The following OR10R2 variants were observed in gnomAD, a reference collection of about 807,000 sequenced individuals.
OR10R2 encodes olfactory receptor family 10 subfamily R member 2.
Under a neutral mutation model 2.4 loss-of-function variants are expected in OR10R2, and 1 was observed. The observed-to-expected ratio is 0.41, with a 90% CI of 0.15 to 1.95. The LOEUF (loss-of-function observed/expected upper bound fraction) is 1.95. Among genes scored for constraint, OR10R2 ranks in the 30% most tolerant of loss-of-function variants. The pLI, the probability that OR10R2 is intolerant of heterozygous loss-of-function variation, is 0.30. For missense variants in OR10R2, 419 were observed against 373.0 expected, an observed-to-expected ratio of 1.12 and a Z score of -1.01; for synonymous variants, 166 against 144.8, an observed-to-expected ratio of 1.15 and a Z score of -1.05.
chr1:158,480,203 C>T (rs200874337), exon 2 of OR10R2: 73 of 1,613,820 alleles, frequency 4.5e-5, no homozygotes, highest in Non-Finnish European at 6.1e-5. Flanking sequence ...CTTTCTGTGG[C>T]CAGGACAATC....
chr1:158,477,994 G>T lies in OR10R2; in HGVS notation c.28-1944G>T, dbSNP rs77698293. The stretch of plus-strand genomic sequence containing the variant: ...AGGAACATAATAAAAAACTAAGAAA[G>T]CAAGCTGCACACCTACAACCATCTG... On this transcript the variant is annotated intron_variant, in intron 1 of 1. Coordinates refer to ENST00000641067, the Ensembl canonical transcript of OR10R2. Among the ~76,000 whole-genome samples, 578 of 152,052 alleles carry T rather than the reference G, an allele frequency of 3.8e-3. 4 individuals carry two copies. The highest frequency in any genetic ancestry group is 0.013 in the African/African-American group (554 of 41,492).
chr1:158,472,416 G>A (rs1471898919), intron 1 of OR10R2, 64 bp downstream of exon 1: 6 of 398,710 alleles, frequency 1.5e-5, no homozygotes, highest in East Asian at 3.6e-5. Flanking sequence ...GTAATATATT[G>A]GGAATATGCT....
At chr1:158,474,743 T>C (rs1656240303) in intron 1 of OR10R2, 1 of 152,186 alleles carries the variant, frequency 6.6e-6, no homozygotes, top group South Asian at 2.1e-4. Flanking sequence ...AAATAAAATA[T>C]TTGCTTTAAA....
chr1:158,473,164 A>G (rs1413054400), intron 1 of OR10R2, among the ~76,000 whole-genome samples: 1 of 152,214 alleles, frequency 6.6e-6, no homozygotes, highest in Non-Finnish European at 1.5e-5. Context: ...TTATTTAGGT[A>G]TTAATTTGCT....
At chr1:158,472,335 G>A in exon 1 of OR10R2, 1 of 399,028 alleles carries the variant, frequency 2.5e-6, no homozygotes, top group East Asian at 3.6e-5. Context: ...AATGACCACT[G>A]TTCTGGGGAG....
intron 1 of OR10R2, among the ~76,000 whole-genome samples, chr1:158,478,399 G>A (rs187709350): frequency 1.3e-5 from 2 of 152,128 alleles, no homozygotes; most frequent in Admixed American, 6.6e-5. Context: ...CTGAGGGGAG[G>A]TTTATGTGCA....
chr1:158,472,593 T>A (rs1463418678), intron 1 of OR10R2, among the ~76,000 whole-genome samples: 1 of 152,244 alleles, frequency 6.6e-6, no homozygotes, highest in African/African-American at 2.4e-5. Flanking sequence ...GAAATTAAAT[T>A]ATCTAAAATC....
exon 2 of OR10R2, chr1:158,480,354 G>A (rs1249773388): frequency 2.9e-5 from 47 of 1,613,976 alleles, no homozygotes; most frequent in Non-Finnish European, 4.0e-5. Flanking sequence ...TGAGCTGGCA[G>A]GTGTGTGGAA....
intron 1 of OR10R2, among the ~76,000 whole-genome samples, chr1:158,477,844 A>G (rs141445548): frequency 3.4e-4 from 52 of 152,258 alleles, no homozygotes; most frequent in African/African-American, 1.2e-3. Context: ...AAATAGCCCA[A>G]GTAACCCTAA....
chr1:158,474,327 G>A (rs1256285563), intron 1 of OR10R2: 2 of 152,036 alleles, frequency 1.3e-5, no homozygotes, highest in African/African-American at 4.8e-5. Context: ...CAAGTCAACA[G>A]GAGTGGAGGT....
chr1:158,480,470 T>A (rs768761494), exon 2 of OR10R2: 1 of 1,613,334 alleles, frequency 6.2e-7, no homozygotes, highest in Non-Finnish European at 8.5e-7. Context: ...AATCATTACT[T>A]CTGTGACATC....
intron 1 of OR10R2, among the ~76,000 whole-genome samples, chr1:158,477,718 G>T (rs1656295589): frequency 6.6e-6 from 1 of 152,034 alleles, no homozygotes; most frequent in African/African-American, 2.4e-5. Context: ...TGTTAAAATG[G>T]CCGTACTGTC....
exon 2 of OR10R2, chr1:158,480,049 A>G (rs150276430): frequency 2.5e-4 from 409 of 1,613,858 alleles, no homozygotes; most frequent in Admixed American, 8.0e-4. Flanking sequence ...GTATCTAGTC[A>G]TTCTTAGTGG....
At chr1:158,479,886 A>G (rs763467719) in intron 1 of OR10R2, 52 bp from the exon 2 acceptor site, 9 of 1,601,706 alleles carry the variant, frequency 5.6e-6, no homozygotes, top group African/African-American at 1.3e-5. Flanking sequence ...GCATGCCCCA[A>G]ATTCTTATAT....
intron 1 of OR10R2, among the ~76,000 whole-genome samples, chr1:158,476,319 G>A (rs929265563): frequency 3.3e-5 from 5 of 151,900 alleles, no homozygotes; most frequent in Non-Finnish European, 7.4e-5. Context: ...AGTCCGAGGT[G>A]GGCAGATCAC....
At chr1:158,474,462 G>A (rs1656233591) in intron 1 of OR10R2, 1 of 152,158 alleles carries the variant, frequency 6.6e-6, no homozygotes, top group Non-Finnish European at 1.5e-5. Flanking sequence ...AATAAAGAGT[G>A]TCATAAGATA....
chr1:158,477,014 A>T (rs972348884), intron 1 of OR10R2, among the ~76,000 whole-genome samples: 3 of 152,248 alleles, frequency 2.0e-5, no homozygotes, highest in African/African-American at 7.2e-5. Context: ...ATTTTCTCCC[A>T]TTCTGTAGGT....
chr1:158,476,244 T>C (rs976199057), intron 1 of OR10R2, among the ~76,000 whole-genome samples: 10 of 151,980 alleles, frequency 6.6e-5, no homozygotes, highest in African/African-American at 2.4e-4. Flanking sequence ...GTTTTCTATA[T>C]TTTTTAAAAA....
At chr1:158,478,955 T>G (rs745960878) in intron 1 of OR10R2, among the ~76,000 whole-genome samples, 1 of 152,184 alleles carries the variant, frequency 6.6e-6, no homozygotes, top group Non-Finnish European at 1.5e-5. Context: ...AATATCTTCT[T>G]TTGTAAAATG....
Sources: gnomAD v4.1 joint callset for allele counts (sites outside exome capture counted in the v4.1 genomes callset) on GRCh38, gnomAD v4.1.1 for gene constraint, MANE v1.5 for transcripts, NCBI Gene and HGNC (gene_info 2026-07-23, HGNC 2026-07-21) for gene names.